Variants in PDS5B observed in about 807,000 individuals in gnomAD.
PDS5B encodes the protein sister chromatid cohesion protein PDS5 homolog B.
PDS5B carries 51 observed loss-of-function variants against 184.1 expected under a neutral mutation model. That is an observed-to-expected ratio of 0.28 (90% CI 0.22 to 0.35). PDS5B has a LOEUF of 0.35. Ranked by LOEUF, PDS5B falls within the 10% of genes least tolerant of loss-of-function variation. The pLI is 1.00. For synonymous variants in PDS5B, 566 were observed against 569.2 expected (o/e 0.99, Z 0.08); for missense variants, 1,180 against 1,723.3 (o/e 0.68, Z 5.58).
At chr13:32,762,023 G>C (rs756195706) in intron 30 of PDS5B, among the ~76,000 whole-genome samples, 1 of 152,066 alleles carries the variant, frequency 6.6e-6, no homozygotes, top group Non-Finnish European at 1.5e-5. Flanking sequence ...ACGGTATCTC[G>C]TTGTAGTTTT....
intron 1 of PDS5B, among the ~76,000 whole-genome samples, chr13:32,625,182 T>A (rs557494412): frequency 6.6e-6 from 1 of 152,272 alleles, no homozygotes; most frequent in Admixed American, 6.5e-5. Flanking sequence ...AGTGACGTGA[T>A]CACAGCTCAC....
chr13:32,655,374 A>ATATATATATTTTTTT, intron 3 of PDS5B, among the ~76,000 whole-genome samples: 3 of 72,464 alleles, frequency 4.1e-5, no homozygotes, highest in African/African-American at 2.5e-4. Flanking sequence ...ATATATATAT[A>ATATATATATTTTTTT]TTTTTTTTTT....
intron 33 of PDS5B, among the ~76,000 whole-genome samples, chr13:32,772,069 CTTG>C (rs1566434671): frequency 6.6e-6 from 1 of 151,616 alleles, no homozygotes. Context: ...GTTTCTTTTT[CTTG>C]TTCTGACCTC....
chr13:32,628,437 A>G (rs2058402571), intron 1 of PDS5B, among the ~76,000 whole-genome samples: 3 of 151,998 alleles, frequency 2.0e-5, no homozygotes, highest in African/African-American at 7.2e-5. Context: ...AATCCCAGCT[A>G]CTTGGGAGAC....
intron 1 of PDS5B, among the ~76,000 whole-genome samples, chr13:32,593,404 G>A (rs1040780013): frequency 1.3e-5 from 2 of 152,150 alleles, no homozygotes; most frequent in Admixed American, 6.5e-5. Flanking sequence ...GCAGTGGCAC[G>A]ATCTCGGCTC....
At chr13:32,773,382 T>G (rs1954855923) in intron 34 of PDS5B, 58 bp downstream of exon 34, 1 of 1,422,946 alleles carries the variant, frequency 7.0e-7, no homozygotes, top group African/African-American at 1.4e-5. Flanking sequence ...AGTAAATGTT[T>G]GGTTAGATCA....
intron 25 of PDS5B, among the ~76,000 whole-genome samples, 177 bp from the exon 26 acceptor site, chr13:32,755,665 G>A (rs1299220994): frequency 6.6e-6 from 1 of 152,034 alleles, no homozygotes; most frequent in East Asian, 1.9e-4. Context: ...CCTCAACACA[G>A]GGTATTTCAA....
At chr13:32,643,616 C>T (rs1950152755) in intron 1 of PDS5B, among the ~76,000 whole-genome samples, 1 of 152,002 alleles carries the variant, frequency 6.6e-6, no homozygotes, top group South Asian at 2.1e-4. Context: ...TGTACTGTAT[C>T]TTTTCTATGT....
intron 19 of PDS5B, among the ~76,000 whole-genome samples, chr13:32,723,570 T>C (rs1566375514): frequency 6.6e-6 from 1 of 152,182 alleles, no homozygotes; most frequent in South Asian, 2.1e-4. Context: ...ATTGTTTCAG[T>C]TTGTTTTCTT....
intron 1 of PDS5B, among the ~76,000 whole-genome samples, chr13:32,591,490 A>G (rs1482323147): frequency 3.9e-5 from 6 of 152,204 alleles, no homozygotes; most frequent in African/African-American, 1.4e-4. Flanking sequence ...ACTGGCACAT[A>G]CAGATCAACA....
Position 32,659,298 on chromosome 13 carries a change from C to A in PDS5B, c.624+18C>A. The A allele has an allele frequency of 6.5e-7, 1 of 1,541,346 alleles. No individual in the cohort carries two copies. The highest frequency in any genetic ancestry group is 8.8e-7 in the Non-Finnish European group (1 of 1,131,950). ...CTCATAAGGTGAGTAGCAATGTATACTGTAATGTGTCTAATGCCCGTTAAT... is the reference window on the plus strand; with the variant it reads ...CTCATAAGGTGAGTAGCAATGTATAATGTAATGTGTCTAATGCCCGTTAAT... On this transcript the variant is annotated intron_variant, in intron 6 of 34. Coordinates refer to ENST00000315596, the MANE Select transcript of PDS5B (RefSeq NM_015032.4).
intron 7 of PDS5B, among the ~76,000 whole-genome samples, chr13:32,671,035 T>C (rs1950922595): frequency 6.6e-6 from 1 of 152,240 alleles, no homozygotes; most frequent in African/African-American, 2.4e-5. Flanking sequence ...TGGAAGGAAA[T>C]ATTTTAATCA....
chr13:32,766,215 A>G (rs1017400661), intron 31 of PDS5B, among the ~76,000 whole-genome samples: 10 of 152,104 alleles, frequency 6.6e-5, no homozygotes, highest in African/African-American at 2.4e-4. Context: ...TCATACCCAC[A>G]CCTATAGTGT....
intron 1 of PDS5B, among the ~76,000 whole-genome samples, chr13:32,626,031 G>GCCTACTAA: frequency 6.6e-6 from 1 of 151,992 alleles, no homozygotes; most frequent in African/African-American, 2.4e-5. Flanking sequence ...GTAGGTATGG[G>GCCTACTAA]GTTTTGCCAT....
chr13:32,657,358 G>A (rs1950541434), intron 3 of PDS5B, among the ~76,000 whole-genome samples: 3 of 152,144 alleles, frequency 2.0e-5, no homozygotes, highest in Non-Finnish European at 1.5e-5. Flanking sequence ...TTTAAAGCCT[G>A]TTTTGTCTGA....
At chr13:32,764,403 A>C (rs1954516362) in intron 30 of PDS5B, 86 bp from the exon 31 acceptor site, 2 of 742,828 alleles carry the variant, frequency 2.7e-6, no homozygotes, top group Non-Finnish European at 3.9e-6. Context: ...AATTTTTTCC[A>C]TAAATCTGTA....
At chr13:32,647,504 C>T (rs1950257465) in intron 1 of PDS5B, among the ~76,000 whole-genome samples, 1 of 152,026 alleles carries the variant, frequency 6.6e-6, no homozygotes, top group East Asian at 1.9e-4. Context: ...CTTTGGAGCT[C>T]AAAGTTTAAG....
chr13:32,688,733 A>G (rs1217305089), intron 13 of PDS5B, 164 bp downstream of exon 13: 2 of 577,802 alleles, frequency 3.5e-6, no homozygotes, highest in Admixed American at 3.0e-5. Context: ...AGAAAGTACC[A>G]CTTTAAACAT....
At chr13:32,624,448 T>A (rs2058343604) in intron 1 of PDS5B, among the ~76,000 whole-genome samples, 1 of 152,220 alleles carries the variant, frequency 6.6e-6, no homozygotes, top group Non-Finnish European at 1.5e-5. Flanking sequence ...CAACAGTTAC[T>A]TTTCATTAAA....
Sources: allele counts gnomAD v4.1 joint callset (sites outside exome capture counted in the v4.1 genomes callset), GRCh38; gene constraint gnomAD v4.1.1; transcripts MANE v1.5; gene names NCBI Gene and HGNC (gene_info 2026-07-23, HGNC 2026-07-21).